MAPRE2: variants seen among roughly 807,000 people sequenced by gnomAD.
The protein encoded by MAPRE2 is microtubule associated protein RP/EB family member 2, also known as microtubule-associated protein RP/EB family member 2.
MAPRE2 carries 13 observed loss-of-function variants against 43.2 expected under a neutral mutation model. The observed-to-expected ratio is 0.30, with a 90% CI of 0.20 to 0.48. The LOEUF is 0.48. Ranked by LOEUF, MAPRE2 falls within the 20% of genes least tolerant of loss-of-function variation. The pLI, the probability that MAPRE2 is intolerant of heterozygous loss-of-function variation, is 0.99. For missense variants in MAPRE2, 161 were observed against 400.2 expected (o/e 0.40, Z 5.10); for synonymous variants, 135 against 148.8 (o/e 0.91, Z 0.68).
intron 1 of MAPRE2, among the ~76,000 whole-genome samples, chr18:35,061,053 A>G (rs1555914596): frequency 6.6e-6 from 1 of 151,560 alleles, no homozygotes; most frequent in Non-Finnish European, 1.5e-5. Flanking sequence ...TTTTATGTTC[A>G]TTCTCTCTTG....
At position 35,041,513 on chromosome 18, in the gene MAPRE2, T is replaced by C. The variant is rs1263685762; in HGVS notation, c.-27T>C. On this transcript the variant is annotated 5_prime_UTR_variant, in exon 1 of 7. Coordinates refer to ENST00000300249, the MANE Select transcript of MAPRE2 (RefSeq NM_014268.4). ...TTCCTCACCAGCCAGCCCACAGCGG[T>C]TTGTTCCCCTTCTCGGGAGTGCGCC... 6.2e-7 allele frequency: 1 copy of C among 1,613,842 alleles called. No homozygotes were observed. The highest frequency in any genetic ancestry group is 8.5e-7 in the Non-Finnish European group (1 of 1,179,982).
intron 2 of MAPRE2, among the ~76,000 whole-genome samples, chr18:35,076,141 GTTTATGTCC>G (rs1907340845): frequency 6.6e-6 from 1 of 152,064 alleles, no homozygotes; most frequent in African/African-American, 2.4e-5. Flanking sequence ...CCACATCTTC[GTTTATGTCC>G]TTAACTACAT....
intron 1 of MAPRE2, among the ~76,000 whole-genome samples, chr18:35,062,844 A>T (rs1394954140): frequency 6.6e-6 from 1 of 152,184 alleles, no homozygotes; most frequent in African/African-American, 2.4e-5. Context: ...AGAAAAATAT[A>T]CTTTTTCTTT....
chr18:35,106,056 A>G (rs1908890173), intron 4 of MAPRE2, among the ~76,000 whole-genome samples: 1 of 152,102 alleles, frequency 6.6e-6, no homozygotes, highest in Non-Finnish European at 1.5e-5. Flanking sequence ...GCTTTTGTTC[A>G]TCTGAAATTT....
Position 34,992,960 on chromosome 18 carries a change from C to T in MAPRE2, c.-69-12532C>T, listed in dbSNP as rs943001866. Among the ~76,000 whole-genome samples, 16 of 152,148 alleles carry T rather than the reference C, an allele frequency of 1.1e-4. No individual in the cohort carries two copies. The South Asian group carries it at 2.1e-3, about 20-fold the overall frequency. ...GAGTCCATATATCATATCCCATTAG[C>T]GATAAGGGAAGACATGGAAAAAGCA... is the stretch of plus-strand genomic sequence containing the variant. On this transcript the variant is annotated intron_variant, in intron 1 of 7. Coordinates refer to the MAPRE2 transcript ENST00000413393.
chr18:35,109,663 G>C (rs569221957), intron 4 of MAPRE2, among the ~76,000 whole-genome samples: 36 of 152,006 alleles, frequency 2.4e-4, no homozygotes, highest in African/African-American at 8.7e-4. Flanking sequence ...TATGCTTACT[G>C]TTGCATGGCA....
At chr18:35,022,865 A>C (rs2097042803) in intron 2 of MAPRE2, among the ~76,000 whole-genome samples, 1 of 152,208 alleles carries the variant, frequency 6.6e-6, no homozygotes, top group East Asian at 1.9e-4. Flanking sequence ...CAGCCAAGAA[A>C]TATAATTTTA....
intron 2 of MAPRE2, among the ~76,000 whole-genome samples, chr18:35,070,803 T>C (rs1424378379): frequency 5.3e-5 from 8 of 152,084 alleles, no homozygotes; most frequent in Non-Finnish European, 7.4e-5. Flanking sequence ...CAATATAATC[T>C]TTGTTCCCTA....
At chr18:34,983,342 C>G (rs1049634011) in intron 1 of MAPRE2, among the ~76,000 whole-genome samples, 9 of 152,178 alleles carry the variant, frequency 5.9e-5, no homozygotes, top group Non-Finnish European at 1.3e-4. Flanking sequence ...TGAATCCAAA[C>G]AAGCCCAAAT....
rs541794276 is a variant in MAPRE2, at chr18:35,140,416, C to T, written c.*47C>T. 6.5e-7 allele frequency: 1 copy of T among 1,536,206 alleles called. No individual in the cohort carries two copies. Among genetic ancestry groups the T allele is most frequent in the Admixed American group, 1.9e-5 (1 of 52,490 alleles). On this transcript the variant is annotated 3_prime_UTR_variant, in exon 7 of 7. Transcript: ENST00000300249. ...ACTTCCATTGTGTGTGGGAACGTTT[C>T]TTCTGGAGAATTGGAACATGTGTGG...
intron 6 of MAPRE2, among the ~76,000 whole-genome samples, chr18:35,139,794 C>T (rs1057099268): frequency 7.9e-5 from 12 of 152,142 alleles, no homozygotes; most frequent in African/African-American, 1.2e-4. Flanking sequence ...GCGACACTGC[C>T]GAGCAAGAAG....
At chr18:35,018,808 G>A (rs1603390644) in intron 2 of MAPRE2, among the ~76,000 whole-genome samples, 1 of 151,550 alleles carries the variant, frequency 6.6e-6, no homozygotes, top group Non-Finnish European at 1.5e-5. Flanking sequence ...GGATTTTTGG[G>A]TCTCAATTTT....
At chr18:35,001,716 G>GT (rs1047424227) in intron 1 of MAPRE2, among the ~76,000 whole-genome samples, 13 of 149,822 alleles carry the variant, frequency 8.7e-5, no homozygotes, top group African/African-American at 1.2e-4. Flanking sequence ...TAGTGGGTGA[G>GT]TTTTTTTTTT....
chr18:35,018,198 G>A (rs1233098792), intron 2 of MAPRE2, among the ~76,000 whole-genome samples: 1 of 151,888 alleles, frequency 6.6e-6, no homozygotes, highest in Non-Finnish European at 1.5e-5. Context: ...ATATGCTGTT[G>A]GATTTAACTT....
intron 1 of MAPRE2, among the ~76,000 whole-genome samples, chr18:35,048,885 C>A (rs887889399): frequency 6.6e-6 from 1 of 151,666 alleles, no homozygotes; most frequent in African/African-American, 2.4e-5. Context: ...GAAGAAAATA[C>A]AAATTTTTAT....
At chr18:35,002,480 C>A (rs1307684036) in intron 1 of MAPRE2, among the ~76,000 whole-genome samples, 3 of 152,168 alleles carry the variant, frequency 2.0e-5, no homozygotes, top group Non-Finnish European at 2.9e-5. Context: ...GCTTTTAAAA[C>A]TACAAAACTG....
upstream of MAPRE2, among the ~76,000 whole-genome samples, chr18:35,036,944 A>T (rs1354731082): frequency 6.6e-6 from 1 of 152,202 alleles, no homozygotes; most frequent in Non-Finnish European, 1.5e-5. Context: ...TGAACTATAA[A>T]GAAAAAGGTT....
At chr18:35,111,882 T>C (rs1484040968) in intron 4 of MAPRE2, among the ~76,000 whole-genome samples, 1 of 152,210 alleles carries the variant, frequency 6.6e-6, no homozygotes, top group African/African-American at 2.4e-5. Context: ...GTACTCTTCT[T>C]GTCCCTTGAT....
chr18:34,985,181 T>C (rs1177158246), intron 1 of MAPRE2, among the ~76,000 whole-genome samples: 1 of 73,906 alleles, frequency 1.4e-5, no homozygotes, highest in Non-Finnish European at 2.3e-5. Context: ...AAATAATATA[T>C]AAATATAATA....
Sources: allele counts gnomAD v4.1 joint callset (sites outside exome capture counted in the v4.1 genomes callset), GRCh38; gene constraint gnomAD v4.1.1; transcripts MANE v1.5; gene names NCBI Gene and HGNC (gene_info 2026-07-23, HGNC 2026-07-21).